KAZN: variants seen among roughly 807,000 people sequenced by gnomAD.
KAZN encodes kazrin.
Under a neutral mutation model 87.4 loss-of-function variants are expected in KAZN, and 40 were observed. The observed-to-expected ratio is 0.46, with a 90% CI of 0.36 to 0.60. KAZN has a LOEUF of 0.60. KAZN is among the 20% of genes least tolerant of loss of function. The pLI, the probability that KAZN is intolerant of heterozygous loss-of-function variation, is 0.00. For synonymous variants in KAZN, 466 were observed against 458.3 expected, an observed-to-expected ratio of 1.02 and a Z score of -0.22; for missense variants, 898 against 1,073.9, an observed-to-expected ratio of 0.84 and a Z score of 2.29.
chr1:14,701,617 T>C (rs1218167111), intron 1 of KAZN, among the ~76,000 whole-genome samples: 2 of 152,092 alleles, frequency 1.3e-5, no homozygotes, highest in Non-Finnish European at 2.9e-5. Flanking sequence ...CATGGTAAAA[T>C]CCCATCTCTA....
chr1:14,374,356 A>G (rs1190595713), intron 2 of KAZN, among the ~76,000 whole-genome samples: 1 of 152,112 alleles, frequency 6.6e-6, no homozygotes, highest in African/African-American at 2.4e-5. Flanking sequence ...TGAATGAACG[A>G]ATGTTTGGGG....
intron 2 of KAZN, among the ~76,000 whole-genome samples, chr1:14,568,320 C>T (rs948099933): frequency 1.3e-5 from 2 of 152,124 alleles, no homozygotes; most frequent in African/African-American, 4.8e-5. Context: ...GAAGAGGACC[C>T]CCGCTTCAGA....
intron 1 of KAZN, among the ~76,000 whole-genome samples, chr1:14,618,429 C>T (rs1678429514): frequency 6.6e-6 from 1 of 152,224 alleles, no homozygotes; most frequent in South Asian, 2.1e-4. Context: ...CCATGGCTGG[C>T]CCCATGCTGG....
At chr1:14,183,637 T>C (rs1557544269) in intron 2 of KAZN, among the ~76,000 whole-genome samples, 1 of 152,186 alleles carries the variant, frequency 6.6e-6, no homozygotes, top group Non-Finnish European at 1.5e-5. Flanking sequence ...TTACTCATAC[T>C]GTGTGACTCC....
chr1:14,598,891 G>T lies in KAZN; in HGVS notation c.-107G>T. The T allele has an allele frequency of 6.7e-7, 1 of 1,489,366 alleles. No individual in the cohort carries two copies. Among genetic ancestry groups the T allele is most frequent in the Non-Finnish European group, 8.9e-7 (1 of 1,129,824 alleles). The allele number at this position is 1,489,366 out of a possible 1,614,324, so 92.3% of individuals were successfully genotyped here. On this transcript the variant is annotated 5_prime_UTR_variant, in exon 1 of 15. Transcript: ENST00000376030. The surrounding 1 kb of genome is among the most constrained non-coding windows in gnomAD (Gnocchi z 4.2). ...GGGGGTCGGGGCGCGGGCGAAGCCG[G>T]GCCGCGGAGGACACAACAGGTAGAG... is the stretch of plus-strand genomic sequence containing the variant.
rs182960165 is a variant in KAZN, at chr1:14,715,315, A to T, written c.226+116092A>T. 3.3e-5 allele frequency among the ~76,000 whole-genome samples: 5 copies of T among 152,200 alleles called. No homozygotes were observed. The East Asian group carries it at 9.7e-4, about 30-fold the overall frequency. On this transcript the variant is annotated intron_variant, in intron 1 of 14. Coordinates refer to ENST00000376030, the MANE Select transcript of KAZN (RefSeq NM_201628.3). ...TTGAACTTCACCATATGCTTGTCTC[A>T]AGGGGCCCCATCCCAGCCTGATGGG...
chr1:14,813,685 G>A (rs556730669), intron 1 of KAZN, among the ~76,000 whole-genome samples: 1 of 152,214 alleles, frequency 6.6e-6, no homozygotes, highest in African/African-American at 2.4e-5. Context: ...ACACTCTTTT[G>A]TGACCATGGG....
chr1:14,523,224 T>C (rs986409228), intron 2 of KAZN, among the ~76,000 whole-genome samples: 2 of 152,206 alleles, frequency 1.3e-5, no homozygotes, highest in African/African-American at 4.8e-5. Context: ...CTCCCCTAGC[T>C]GTCAGAATAC....
At chr1:14,831,178 C>T (rs1470163505) in intron 1 of KAZN, among the ~76,000 whole-genome samples, 1 of 152,212 alleles carries the variant, frequency 6.6e-6, no homozygotes, top group Non-Finnish European at 1.5e-5. Flanking sequence ...TGTTTTTGCT[C>T]ATGCCCATTC....
At chr1:14,292,698 CT>C (rs899268024) in intron 2 of KAZN, among the ~76,000 whole-genome samples, 1 of 152,222 alleles carries the variant, frequency 6.6e-6, no homozygotes, top group African/African-American at 2.4e-5. Context: ...GCCTCCCCAC[CT>C]TTCCTTTTTC....
At chr1:14,837,644 C>T (rs79257120) in intron 1 of KAZN, among the ~76,000 whole-genome samples, 2 of 151,418 alleles carry the variant, frequency 1.3e-5, no homozygotes, top group Non-Finnish European at 2.9e-5. Flanking sequence ...CCTCAACCTC[C>T]TAGGCTCAAG....
chr1:13,923,761 G>A (rs1570290074), intron 1 of KAZN, among the ~76,000 whole-genome samples: 2 of 151,914 alleles, frequency 1.3e-5, no homozygotes, highest in Non-Finnish European at 2.9e-5. Flanking sequence ...GGAAAGGCAG[G>A]CACACTTGAT....
Position 15,026,398 on chromosome 1 carries a change from G to A in KAZN, c.419-8351G>A, listed in dbSNP as rs535309286. On this transcript the variant is annotated intron_variant, in intron 2 of 14. Transcript: ENST00000376030. ...TGCATGTGGGGTCTCAGGCCCCGCA[G>A]CTGCTAAGGAGCAAGTGACAAAGGT... is the stretch of plus-strand genomic sequence containing the variant. 3.9e-5 allele frequency among the ~76,000 whole-genome samples: 6 copies of A among 152,300 alleles called. No homozygotes were observed. The South Asian group carries it at 1.2e-3, about 32-fold the overall frequency.
At chr1:14,776,983 CTTTGT>C (rs891044168) in intron 1 of KAZN, among the ~76,000 whole-genome samples, 4 of 143,350 alleles carry the variant, frequency 2.8e-5, no homozygotes, top group Non-Finnish European at 6.1e-5. Context: ...GGTATTTCTT[CTTTGT>C]TTTGTTTTGT....
chr1:14,323,910 G>A (rs1272268530), intron 2 of KAZN, among the ~76,000 whole-genome samples: 2 of 152,154 alleles, frequency 1.3e-5, no homozygotes, highest in African/African-American at 2.4e-5. Flanking sequence ...GTTTGGAGTT[G>A]AGAAGCAGTT....
intron 8 of KAZN, among the ~76,000 whole-genome samples, chr1:15,091,376 G>A (rs1640526172): frequency 6.6e-6 from 1 of 152,140 alleles, no homozygotes; most frequent in Non-Finnish European, 1.5e-5. Flanking sequence ...ATGGAGTCTT[G>A]TTCTGTCGCC....
chr1:14,089,729 T>A (rs987086619), intron 1 of KAZN, among the ~76,000 whole-genome samples: 6 of 152,212 alleles, frequency 3.9e-5, no homozygotes, highest in African/African-American at 1.4e-4. Context: ...TTTCTGGTGC[T>A]CTTTTATTCC....
At chr1:14,070,186 T>TAAATA (rs904273250) in intron 1 of KAZN, among the ~76,000 whole-genome samples, 2 of 95,296 alleles carry the variant, frequency 2.1e-5, no homozygotes, top group African/African-American at 8.8e-5. Context: ...AAAAAGTAAA[T>TAAATA]AAATAAAATA....
chr1:14,331,431 A>C (rs757934591), intron 2 of KAZN, among the ~76,000 whole-genome samples: 1 of 152,204 alleles, frequency 6.6e-6, no homozygotes, highest in Non-Finnish European at 1.5e-5. Context: ...TGAGATATTG[A>C]CAGTGGTTTC....
Sources: gnomAD v4.1 joint callset for allele counts (sites outside exome capture counted in the v4.1 genomes callset) on GRCh38, gnomAD v4.1.1 for gene constraint, Gnocchi (gnomAD v3.1) non-coding constraint, MANE v1.5 for transcripts, NCBI Gene and HGNC (gene_info 2026-07-23, HGNC 2026-07-21) for gene names.